The following KALRN variants were observed in gnomAD, a reference collection of about 807,000 sequenced individuals.
KALRN encodes kalirin RhoGEF kinase.
A neutral mutation model predicts 353.7 loss-of-function variants in KALRN; 70 were observed. That is an observed-to-expected ratio of 0.20 (90% CI 0.16 to 0.24). The LOEUF (loss-of-function observed/expected upper bound fraction) is 0.24, where lower values mean the gene tolerates loss of function less well. Ranked by LOEUF, KALRN falls within the 10% of genes least tolerant of loss-of-function variation. The pLI is 1.00. For synonymous variants in KALRN, 1,391 were observed against 1,434.8 expected, an observed-to-expected ratio of 0.97 and a Z score of 0.69; for missense variants, 2,791 against 3,756.7, an observed-to-expected ratio of 0.74 and a Z score of 6.72.
chr3:124,044,971 A>G (rs1335665904), intron 1 of KALRN, among the ~76,000 whole-genome samples: 2 of 147,662 alleles, frequency 1.4e-5, no homozygotes, highest in Non-Finnish European at 3.0e-5. Flanking sequence ...TAGGGTTATG[A>G]TTTTTAAACT....
intron 1 of KALRN, among the ~76,000 whole-genome samples, chr3:124,150,956 A>G (rs1478467276): frequency 6.6e-6 from 1 of 152,204 alleles, no homozygotes; most frequent in East Asian, 1.9e-4. Flanking sequence ...TATATGTAGA[A>G]TCCTAAAATA....
chr3:124,563,486 C>T (rs1323060366), intron 34 of KALRN, among the ~76,000 whole-genome samples: 2 of 152,190 alleles, frequency 1.3e-5, no homozygotes, highest in Non-Finnish European at 2.9e-5. Context: ...TTCTGGCTCT[C>T]TGACCCCCGA....
intron 57 of KALRN, among the ~76,000 whole-genome samples, chr3:124,710,019 G>GAAT (rs1449201941): frequency 6.6e-6 from 1 of 152,204 alleles, no homozygotes. Context: ...GAAGGCAACA[G>GAAT]AATAATTCCT....
intron 1 of KALRN, among the ~76,000 whole-genome samples, chr3:124,045,077 G>A (rs2040353594): frequency 6.6e-6 from 1 of 152,042 alleles, no homozygotes; most frequent in Non-Finnish European, 1.5e-5. Context: ...GGGACAATGG[G>A]CATCTATGGG....
At chr3:124,399,106 GT>G (rs890887064) in intron 13 of KALRN, among the ~76,000 whole-genome samples, 2 of 151,758 alleles carry the variant, frequency 1.3e-5, no homozygotes, top group African/African-American at 2.4e-5. Flanking sequence ...TTCTTGAGAA[GT>G]TTTTTTTGTT....
chr3:124,143,829 C>T (rs998961681), intron 1 of KALRN, among the ~76,000 whole-genome samples: 2 of 151,972 alleles, frequency 1.3e-5, no homozygotes, highest in African/African-American at 2.4e-5. Context: ...ATAAGACTGG[C>T]GTCAAATTCT....
At chr3:124,562,794 C>A (rs2072228446) in intron 33 of KALRN, 49 bp from the exon 34 acceptor site, 3 of 1,278,990 alleles carry the variant, frequency 2.3e-6, no homozygotes, top group African/African-American at 3.0e-5. Context: ...TTTCTCCCCC[C>A]TTCCTCCATG....
At chr3:124,451,783 G>A (rs1277451572) in intron 21 of KALRN, among the ~76,000 whole-genome samples, 1 of 152,138 alleles carries the variant, frequency 6.6e-6, no homozygotes, top group African/African-American at 2.4e-5. Context: ...CAAGACCAAG[G>A]GTGTCTCAAG....
At chr3:124,045,524 A>G (rs541013169) in intron 1 of KALRN, among the ~76,000 whole-genome samples, 1 of 152,294 alleles carries the variant, frequency 6.6e-6, no homozygotes, top group East Asian at 1.9e-4. Flanking sequence ...CATGATCCCA[A>G]CCACTGAGTT....
At chr3:124,049,116 G>T (rs1288342521) in intron 1 of KALRN, among the ~76,000 whole-genome samples, 1 of 152,164 alleles carries the variant, frequency 6.6e-6, no homozygotes, top group East Asian at 1.9e-4. Flanking sequence ...AATGGTAGAG[G>T]CCATTCTTGA....
chr3:124,449,397 T>A (rs184612840), intron 21 of KALRN, among the ~76,000 whole-genome samples: 1 of 152,258 alleles, frequency 6.6e-6, no homozygotes. Context: ...ATCATTTTCA[T>A]GTTGTGGTAG....
At chr3:124,364,369 C>T (rs1053909680) in intron 10 of KALRN, among the ~76,000 whole-genome samples, 1 of 152,188 alleles carries the variant, frequency 6.6e-6, no homozygotes, top group Non-Finnish European at 1.5e-5. Flanking sequence ...TTCCCTGTCT[C>T]ATGGTCCAAT....
intron 1 of KALRN, among the ~76,000 whole-genome samples, chr3:124,068,145 A>G (rs1441641053): frequency 6.6e-6 from 1 of 152,204 alleles, no homozygotes; most frequent in Non-Finnish European, 1.5e-5. Context: ...CAGGATGACA[A>G]AGTTTGGATA....
chr3:124,450,029 A>C (rs1471918376), intron 21 of KALRN, among the ~76,000 whole-genome samples: 1 of 152,242 alleles, frequency 6.6e-6, no homozygotes, highest in African/African-American at 2.4e-5. Context: ...TTTGGCGTGA[A>C]CAGATGTTTC....
chr3:124,621,390 T>C (rs1192874676), intron 34 of KALRN, among the ~76,000 whole-genome samples: 1 of 152,136 alleles, frequency 6.6e-6, no homozygotes, highest in Non-Finnish European at 1.5e-5. Flanking sequence ...GTAAAGGATG[T>C]TGAGTTGGTA....
intron 1 of KALRN, among the ~76,000 whole-genome samples, chr3:124,177,723 A>C (rs2072985107): frequency 6.6e-6 from 1 of 152,184 alleles, no homozygotes; most frequent in African/African-American, 2.4e-5. Flanking sequence ...TAGGGGTCAT[A>C]AGGAGTCATT....
intron 1 of KALRN, among the ~76,000 whole-genome samples, chr3:124,168,917 GCACA>G (rs2071304117): frequency 6.6e-6 from 1 of 152,136 alleles, no homozygotes; most frequent in Non-Finnish European, 1.5e-5. Flanking sequence ...AGTGACAAAG[GCACA>G]TGATTAGACA....
intron 51 of KALRN, among the ~76,000 whole-genome samples, chr3:124,685,165 T>C (rs961148930): frequency 1.3e-5 from 2 of 152,222 alleles, no homozygotes; most frequent in African/African-American, 4.8e-5. Flanking sequence ...ATCACATTCC[T>C]GTCGTTTTAT....
At chr3:124,139,378 A>G (rs1459865794) in intron 1 of KALRN, among the ~76,000 whole-genome samples, 1 of 152,192 alleles carries the variant, frequency 6.6e-6, no homozygotes, top group East Asian at 1.9e-4. Flanking sequence ...GTGGCTTCCT[A>G]TGGCATGATC....
Sources: allele counts gnomAD v4.1 joint callset (sites outside exome capture counted in the v4.1 genomes callset), GRCh38; gene constraint gnomAD v4.1.1; transcripts MANE v1.5; gene names NCBI Gene and HGNC (gene_info 2026-07-23, HGNC 2026-07-21).